The following STXBP5L variants were observed in gnomAD, a reference collection of about 807,000 sequenced individuals.
STXBP5L encodes syntaxin-binding protein 5-like.
STXBP5L carries 65 observed loss-of-function variants against 144.5 expected under a neutral mutation model. That is an observed-to-expected ratio of 0.45 (90% confidence interval 0.37 to 0.55). The LOEUF is 0.55. Among genes scored for constraint, STXBP5L ranks in the 20% least tolerant of loss-of-function variants. The probability of loss-of-function intolerance (pLI) is 0.00; values close to 1 mark genes in which losing one functional copy is unlikely to be tolerated. For missense variants in STXBP5L, 1,298 were observed against 1,405.5 expected (o/e 0.92, Z 1.22); for synonymous variants, 505 against 469.6 (o/e 1.08, Z -0.97).
chr3:120,932,323 T>G lies in STXBP5L; in HGVS notation c.189+22556T>G, dbSNP rs369634581. 1.1e-4 allele frequency among the ~76,000 whole-genome samples: 16 copies of G among 152,316 alleles called. 1 individual carries two copies. In the East Asian group the frequency reaches 2.5e-3, roughly 24 times the overall value. ...TTATTTACATGATTTCTCTATTTAT[T>G]TACATTTCTTTCCCTCTCCACTTTG... On this transcript the variant is annotated intron_variant, in intron 2 of 26. Transcript: ENST00000471454.
chr3:121,121,720 T>A lies in STXBP5L; in HGVS notation c.669+16T>A. ...TGAAGGCAAAGTGAGTATTATGATA[T>A]CTTTATTATTAGTTTTATTTTCCTC... On this transcript the variant is annotated intron_variant, in intron 7 of 26. Coordinates refer to ENST00000471454, the MANE Select transcript of STXBP5L (RefSeq NM_001308330.2). The A allele has an allele frequency of 6.4e-7, 1 of 1,558,614 alleles. No individual in the cohort carries two copies. The highest frequency in any genetic ancestry group is 2.3e-5 in the East Asian group (1 of 44,344).
intron 5 of STXBP5L, among the ~76,000 whole-genome samples, chr3:121,097,509 C>G (rs2107765255): frequency 6.6e-6 from 1 of 152,308 alleles, no homozygotes; most frequent in East Asian, 1.9e-4. Flanking sequence ...AGTATCTGGG[C>G]TGGAGTGTGC....
chr3:120,961,983 G>A (rs570694343), intron 3 of STXBP5L, among the ~76,000 whole-genome samples: 1 of 152,308 alleles, frequency 6.6e-6, no homozygotes, highest in African/African-American at 2.4e-5. Context: ...GCATGAGATG[G>A]TATCTCATTG....
intron 5 of STXBP5L, among the ~76,000 whole-genome samples, chr3:121,084,439 T>G (rs943316244): frequency 1.8e-4 from 27 of 152,298 alleles, no homozygotes; most frequent in Admixed American, 1.6e-3. Context: ...CTCCCACTTA[T>G]AAGTGAGAAC....
At chr3:121,278,708 G>A (rs1402459022) in intron 18 of STXBP5L, among the ~76,000 whole-genome samples, 1 of 151,846 alleles carries the variant, frequency 6.6e-6, no homozygotes, top group Non-Finnish European at 1.5e-5. Flanking sequence ...ATGTAGAAGT[G>A]TAATTATCAT....
chr3:121,073,808 G>A (rs1395353374), intron 5 of STXBP5L, among the ~76,000 whole-genome samples: 2 of 152,090 alleles, frequency 1.3e-5, no homozygotes, highest in African/African-American at 4.8e-5. Flanking sequence ...GCCCCTAAAA[G>A]CTCCTGCACT....
Position 120,909,633 on chromosome 3 carries a change from G to T in STXBP5L, c.55G>T (p.Gly19Cys). The T allele has an allele frequency of 6.2e-7, 1 of 1,613,634 alleles. No homozygotes were observed. Among genetic ancestry groups the T allele is most frequent in the South Asian group, 1.1e-5 (1 of 91,052 alleles). Reference protein sequence around the residue: ...VLDGLTASSPGSGSSSGSNSG... With the variant: ...VLDGLTASSPCSGSSSGSNSG... ...GGATGGCTTAACTGCCTCCTCCCCT[G>T]GCAGTGGTAGCAGCAGTGGCAGTAA... The change falls in exon 2 of 27, where the codon GGC becomes TGC. Residue 19 changes from glycine (G) to cysteine (C), a missense_variant. Coordinates refer to ENST00000471454, the MANE Select transcript of STXBP5L (RefSeq NM_001308330.2).
At chr3:121,035,032 T>G (rs560399934) in intron 3 of STXBP5L, among the ~76,000 whole-genome samples, 1 of 152,328 alleles carries the variant, frequency 6.6e-6, no homozygotes, top group South Asian at 2.1e-4. Flanking sequence ...AAAAAATGCC[T>G]GTTCATGTCC....
rs374599434 is a variant in STXBP5L, at chr3:121,381,598, A to G, written c.2587+66A>G. On this transcript the variant is annotated intron_variant, in intron 22 of 26. Transcript: ENST00000471454. ...TCAAATTTAGATATAAGGTATTATA[A>G]ACATAAATTTGTATTGATTTGGAGC... The G allele has an allele frequency of 1.5e-5, 24 of 1,556,514 alleles. No individual in the cohort carries two copies. The East Asian group carries it at 1.6e-4, about 10-fold the overall frequency.
At chr3:121,358,016 A>G (rs2045585003) in intron 20 of STXBP5L, 1 of 152,134 alleles carries the variant, frequency 6.6e-6, no homozygotes, top group Admixed American at 6.6e-5. Context: ...GTATATATTT[A>G]TGGGGCACAT....
intron 19 of STXBP5L, among the ~76,000 whole-genome samples, chr3:121,285,819 C>T (rs2051212880): frequency 6.6e-6 from 1 of 151,902 alleles, no homozygotes; most frequent in Admixed American, 6.6e-5. Flanking sequence ...TTTCTACCTC[C>T]CTTAGAGAGT....
At chr3:120,976,672 G>A (rs1393715370) in intron 3 of STXBP5L, among the ~76,000 whole-genome samples, 1 of 152,036 alleles carries the variant, frequency 6.6e-6, no homozygotes, top group Non-Finnish European at 1.5e-5. Context: ...GCTTTCTCTT[G>A]TGGGCATTTA....
intron 20 of STXBP5L, among the ~76,000 whole-genome samples, chr3:121,337,439 TAA>T (rs59662899): frequency 2.0e-4 from 14 of 71,062 alleles, no homozygotes; most frequent in African/African-American, 2.5e-4. Context: ...GCAACAACAG[TAA>T]AAAAAAAAAA....
At chr3:121,356,361 C>T (rs556384382) in intron 20 of STXBP5L, among the ~76,000 whole-genome samples, 8 of 152,320 alleles carry the variant, frequency 5.3e-5, no homozygotes, top group East Asian at 3.9e-4. Context: ...TTGAGCTTCC[C>T]GGCCACTCTG....
At chr3:121,133,130 G>A (rs564425085) in intron 7 of STXBP5L, among the ~76,000 whole-genome samples, 1 of 152,270 alleles carries the variant, frequency 6.6e-6, no homozygotes, top group East Asian at 1.9e-4. Context: ...TGCAGTTTGA[G>A]AGGCTGATGT....
intron 3 of STXBP5L, among the ~76,000 whole-genome samples, chr3:120,957,285 T>C (rs936466379): frequency 2.0e-5 from 3 of 152,056 alleles, no homozygotes; most frequent in Non-Finnish European, 4.4e-5. Flanking sequence ...TCAGCACTTA[T>C]TGAAATGATC....
chr3:120,924,823 T>C lies in STXBP5L; in HGVS notation c.189+15056T>C, dbSNP rs542910110. ...CTCCCGGGTTCACACCATTCTTCTG[T>C]CTCAGCCTCCCCGAGTAGCTGGGAC... On this transcript the variant is annotated intron_variant, in intron 2 of 26. Transcript: ENST00000471454. Among the ~76,000 whole-genome samples the C allele has an allele frequency of 8.5e-3, 937 of 109,746 alleles. 4 individuals are homozygous for C. The highest frequency in any genetic ancestry group is 0.031 in the Middle Eastern group (7 of 228). 72.0% of individuals were successfully genotyped at this position (109,746 alleles called of 152,430 possible). A position where few individuals can be genotyped will look rare whatever the true frequency, so the allele number is the denominator to read the frequency against.
At chr3:120,975,334 G>T (rs1000481277) in intron 3 of STXBP5L, among the ~76,000 whole-genome samples, 4 of 152,032 alleles carry the variant, frequency 2.6e-5, no homozygotes, top group African/African-American at 7.3e-5. Context: ...TCATGATTTG[G>T]CTCTTTGTTT....
At chr3:121,319,449 T>G (rs999977088) in intron 20 of STXBP5L, among the ~76,000 whole-genome samples, 2 of 152,188 alleles carry the variant, frequency 1.3e-5, no homozygotes, top group Admixed American at 6.5e-5. Context: ...TTCTTTATTC[T>G]TATTCTTCAG....
Sources: allele counts gnomAD v4.1 joint callset (sites outside exome capture counted in the v4.1 genomes callset), GRCh38; gene constraint gnomAD v4.1.1; transcripts MANE v1.5; gene names NCBI Gene and HGNC (gene_info 2026-07-23, HGNC 2026-07-21).